CEP192: variants seen among roughly 807,000 people sequenced by gnomAD.
CEP192 encodes the protein centrosomal protein 192.
In CEP192, 151 loss-of-function variants were observed where a neutral mutation model predicts 271.8. The ratio of observed to expected loss-of-function variants is 0.56; its 90% CI spans 0.49 to 0.64. CEP192 has a LOEUF of 0.64. Ranked by LOEUF, CEP192 falls within the 30% of genes least tolerant of loss-of-function variation. The pLI is 0.00. For missense variants in CEP192, 2,910 were observed against 3,020.5 expected (o/e 0.96, Z 0.86); for synonymous variants, 995 against 1,076.5 (o/e 0.92, Z 1.48).
At chr18:13,067,117 T>C (rs2037750077) in intron 21 of CEP192, among the ~76,000 whole-genome samples, 1 of 151,994 alleles carries the variant, frequency 6.6e-6, no homozygotes, top group South Asian at 2.1e-4. Flanking sequence ...ATTGAACATG[T>C]ACAGACATTT....
Position 12,999,517 on chromosome 18 carries a change from T to C in CEP192, c.93T>C (p.Thr31=), listed in dbSNP as rs765941032. Residue 31 remains threonine, a synonymous_variant, in exon 2 of 45, where the codon ACT becomes ACC. Transcript: ENST00000506447. ...FGNSGILENV[T]LSSNLGLPVA... ...ACAGTGGGATTTTGGAAAATGTCACTCTTTCTTCAAATCTTGGCTTGCCTG... is the reference window on the plus strand; with the variant it reads ...ACAGTGGGATTTTGGAAAATGTCACCCTTTCTTCAAATCTTGGCTTGCCTG... 6 of 1,551,036 alleles carry C rather than the reference T, an allele frequency of 3.9e-6. No individual in the cohort carries two copies. Among genetic ancestry groups the C allele is most frequent in the Middle Eastern group, 3.3e-4 (2 of 6,010 alleles).
intron 43 of CEP192, among the ~76,000 whole-genome samples, chr18:13,117,305 A>G (rs367556866): frequency 6.6e-5 from 10 of 152,260 alleles, no homozygotes; most frequent in African/African-American, 2.2e-4. Flanking sequence ...AAAATCAAAA[A>G]TTTGTTTTAT....
At chr18:13,003,480 T>C (rs531048866) in intron 3 of CEP192, among the ~76,000 whole-genome samples, 102 of 142,566 alleles carry the variant, frequency 7.2e-4, no homozygotes, top group African/African-American at 2.6e-3. Context: ...AAAGAAGATA[T>C]GAGCCAAGAC....
At chr18:13,108,234 T>G (rs890109682) in intron 40 of CEP192, among the ~76,000 whole-genome samples, 1 of 152,206 alleles carries the variant, frequency 6.6e-6, no homozygotes, top group African/African-American at 2.4e-5. Flanking sequence ...TTGGACATTA[T>G]TCTTGGGAAA....
chr18:13,088,699 T>C, intron 32 of CEP192: 1 of 242,778 alleles, frequency 4.1e-6, no homozygotes, highest in South Asian at 4.8e-5. Flanking sequence ...TGTGCTTGAC[T>C]GTTTTTTATT....
rs192860163 is a variant in CEP192 at position 13,039,674 on chromosome 18, C to T, written c.1809+1095C>T. Among the ~76,000 whole-genome samples the T allele has an allele frequency of 1.8e-4, 27 of 152,078 alleles. No homozygotes were observed. In the East Asian group the frequency reaches 4.7e-3, roughly 26 times the overall value. ...TTCCAGGGGCCAAATCATGAGGGCT[C>T]CTGGTAGGAGGGGGGTTTTATCTCA... On this transcript the variant is annotated intron_variant, in intron 13 of 44. Coordinates refer to ENST00000506447, the MANE Select transcript of CEP192 (RefSeq NM_032142.4).
chr18:13,081,034 G>GT (rs1235084766), intron 30 of CEP192, among the ~76,000 whole-genome samples: 1 of 152,132 alleles, frequency 6.6e-6, no homozygotes, highest in Admixed American at 6.5e-5. Flanking sequence ...GCTGGATTTG[G>GT]TTTGCCAGTA....
At chr18:13,120,397 A>C (rs2040608092) in intron 44 of CEP192, among the ~76,000 whole-genome samples, 1 of 152,200 alleles carries the variant, frequency 6.6e-6, no homozygotes, top group Admixed American at 6.5e-5. Flanking sequence ...ATTTTTGTGG[A>C]CGTTAACTTG....
intron 30 of CEP192, among the ~76,000 whole-genome samples, chr18:13,074,892 T>A (rs1271772712): frequency 6.6e-6 from 1 of 152,216 alleles, no homozygotes; most frequent in Non-Finnish European, 1.5e-5. Flanking sequence ...AACTTACCAA[T>A]TTGGTTGTGA....
At chr18:13,070,967 G>T in intron 27 of CEP192, 72 bp from the exon 28 acceptor site, 1 of 1,284,292 alleles carries the variant, frequency 7.8e-7, no homozygotes, top group Non-Finnish European at 1.1e-6. Context: ...TTTGGACAAT[G>T]GAAACATATA....
At chr18:13,003,591 G>C (rs1254370542) in intron 3 of CEP192, among the ~76,000 whole-genome samples, 2 of 152,168 alleles carry the variant, frequency 1.3e-5, no homozygotes, top group Non-Finnish European at 2.9e-5. Flanking sequence ...TAGCCCATGT[G>C]GTTCACAGAG....
rs780327475 is a variant in CEP192 at position 13,056,473 on chromosome 18, C to T, written c.3883C>T (p.Pro1295Ser). ...ATVCGFSGGL[P>S]YPAVAGEPVQ... ...AGTCTGTGGCTTCTCAGGAGGCCTT[C>T]CCTATCCAGCTGTTGCAGGAGAGCC... Residue 1295 changes from proline (P) to serine (S), a missense_variant, in exon 19 of 45, where the codon CCC becomes TCC. By Grantham distance (74) the Pro-to-Ser change is moderately conservative. Transcript: ENST00000506447. The T allele has an allele frequency of 1.2e-6, 2 of 1,614,214 alleles. No homozygotes were observed. The highest frequency in any genetic ancestry group is 1.7e-6 in the Non-Finnish European group (2 of 1,180,020).
chr18:13,102,097 G>A (rs2144904474), intron 38 of CEP192, among the ~76,000 whole-genome samples: 1 of 152,196 alleles, frequency 6.6e-6, no homozygotes, highest in Non-Finnish European at 1.5e-5. Flanking sequence ...AGGCTTTGCT[G>A]CCTCTGCTCC....
At chr18:13,034,815 T>C (rs1024946877) in intron 11 of CEP192, among the ~76,000 whole-genome samples, 101 of 121,352 alleles carry the variant, frequency 8.3e-4, no homozygotes, top group Non-Finnish European at 1.5e-3. Context: ...CAAAACTCTG[T>C]CTCATAAAAA....
chr18:13,031,207 G>A (rs933355604), intron 11 of CEP192, among the ~76,000 whole-genome samples: 6 of 151,034 alleles, frequency 4.0e-5, no homozygotes, highest in Admixed American at 6.6e-5. Flanking sequence ...AAGGAGCCAC[G>A]CTGCTCAGGG....
intron 4 of CEP192, among the ~76,000 whole-genome samples, chr18:13,011,114 C>G (rs2034324350): frequency 6.6e-6 from 1 of 151,368 alleles, no homozygotes; most frequent in Non-Finnish European, 1.5e-5. Context: ...GTAGTCCCAG[C>G]TACTTGGGGG....
intron 36 of CEP192, among the ~76,000 whole-genome samples, chr18:13,099,052 C>T (rs752583638): frequency 1.3e-4 from 20 of 152,066 alleles, no homozygotes; most frequent in African/African-American, 4.3e-4. Context: ...TGGCAGCGCG[C>T]GCCTGCAATC....
chr18:13,103,750 G>T, intron 39 of CEP192, 162 bp downstream of exon 39: 2 of 669,550 alleles, frequency 3.0e-6, no homozygotes, highest in South Asian at 1.6e-5. Flanking sequence ...GAGTGCAGTG[G>T]TATGAACACT....
At chr18:13,085,170 G>A (rs555306786) in intron 30 of CEP192, among the ~76,000 whole-genome samples, 10 of 151,978 alleles carry the variant, frequency 6.6e-5, no homozygotes, top group East Asian at 5.8e-4. Flanking sequence ...TTTTTTTCAC[G>A]TTTGTTGGCT....
Sources: allele counts gnomAD v4.1 joint callset (sites outside exome capture counted in the v4.1 genomes callset), GRCh38; gene constraint gnomAD v4.1.1; transcripts MANE v1.5; gene names NCBI Gene and HGNC (gene_info 2026-07-23, HGNC 2026-07-21).